The following ZNF804B variants were observed in gnomAD, a reference collection of about 807,000 sequenced individuals.
ZNF804B encodes zinc finger 804B.
Under a neutral mutation model 101.4 loss-of-function variants are expected in ZNF804B, and 80 were observed. That is an observed-to-expected ratio of 0.79 (90% CI 0.66 to 0.95). ZNF804B has a LOEUF of 0.95. Among genes scored for constraint, ZNF804B ranks in the 40% least tolerant of loss-of-function variants. The pLI is 0.00. For missense variants in ZNF804B, 1,673 were observed against 1,561.9 expected (o/e 1.07, Z -1.20); for synonymous variants, 622 against 558.8 (o/e 1.11, Z -1.59).
chr7:89,200,839 G>T (rs1414574232), intron 1 of ZNF804B, among the ~76,000 whole-genome samples: 1 of 151,864 alleles, frequency 6.6e-6, no homozygotes, highest in South Asian at 2.1e-4. Flanking sequence ...GGGAAATCTG[G>T]ATTCTTTTGC....
At chr7:88,925,523 C>T (rs1792784228) in intron 1 of ZNF804B, among the ~76,000 whole-genome samples, 1 of 152,066 alleles carries the variant, frequency 6.6e-6, no homozygotes, top group Admixed American at 6.6e-5. Context: ...GGTGGAAAGA[C>T]CACATGAGGA....
At chr7:89,313,356 A>G (rs558086984) in intron 2 of ZNF804B, among the ~76,000 whole-genome samples, 30 of 152,344 alleles carry the variant, frequency 2.0e-4, no homozygotes, top group Non-Finnish European at 3.7e-4. Context: ...TGAAATGTGC[A>G]GAGATGGAAG....
chr7:89,168,809 T>C (rs1791180659), intron 1 of ZNF804B, among the ~76,000 whole-genome samples: 1 of 151,334 alleles, frequency 6.6e-6, no homozygotes, highest in South Asian at 2.1e-4. Flanking sequence ...TTCTTCAAAG[T>C]ACAGTGAGAA....
intron 1 of ZNF804B, among the ~76,000 whole-genome samples, chr7:88,827,622 T>G (rs915165883): frequency 1.1e-4 from 17 of 152,226 alleles, no homozygotes; most frequent in Middle Eastern, 6.8e-3. Context: ...TACTTTACTA[T>G]CTTACTTCAC....
At chr7:89,106,812 C>T (rs1790143510) in intron 1 of ZNF804B, among the ~76,000 whole-genome samples, 1 of 152,054 alleles carries the variant, frequency 6.6e-6, no homozygotes, top group African/African-American at 2.4e-5. Context: ...GGAGGAAGAA[C>T]TGGAGTGGCA....
intron 1 of ZNF804B, among the ~76,000 whole-genome samples, chr7:88,817,720 T>G (rs1270763136): frequency 6.6e-6 from 1 of 152,220 alleles, no homozygotes; most frequent in Non-Finnish European, 1.5e-5. Flanking sequence ...TGGTACATTT[T>G]GTATCAACAT....
intron 1 of ZNF804B, among the ~76,000 whole-genome samples, chr7:88,851,602 C>T (rs968488756): frequency 6.6e-6 from 1 of 151,912 alleles, no homozygotes; most frequent in Non-Finnish European, 1.5e-5. Flanking sequence ...GTAACACTAG[C>T]AGACCTACAT....
At chr7:89,324,713 T>C (rs2115976481) in intron 2 of ZNF804B, among the ~76,000 whole-genome samples, 1 of 151,394 alleles carries the variant, frequency 6.6e-6, no homozygotes, top group East Asian at 1.9e-4. Context: ...TTTTAATGGC[T>C]GCTGTAGAGT....
chr7:89,106,985 T>C (rs1193233116), intron 1 of ZNF804B, among the ~76,000 whole-genome samples: 2 of 152,084 alleles, frequency 1.3e-5, no homozygotes, highest in Non-Finnish European at 2.9e-5. Flanking sequence ...GAGTTGTAAA[T>C]ACAGTACTGA....
At chr7:89,094,109 A>C (rs1342265248) in intron 1 of ZNF804B, among the ~76,000 whole-genome samples, 1 of 152,236 alleles carries the variant, frequency 6.6e-6, no homozygotes, top group African/African-American at 2.4e-5. Context: ...GGAGGACAGA[A>C]AAATGAAGAT....
intron 1 of ZNF804B, among the ~76,000 whole-genome samples, chr7:88,780,587 A>G (rs550055315): frequency 9.2e-5 from 14 of 151,822 alleles, no homozygotes; most frequent in South Asian, 4.2e-4. Context: ...GGGTTCCACC[A>G]TATTGCCCAC....
intron 2 of ZNF804B, among the ~76,000 whole-genome samples, chr7:89,265,306 GCGCA>G (rs990461128): frequency 6.7e-6 from 1 of 149,250 alleles, no homozygotes; most frequent in Admixed American, 6.7e-5. Flanking sequence ...GCGTGCGCGC[GCGCA>G]CACATGCACG....
intron 1 of ZNF804B, among the ~76,000 whole-genome samples, chr7:89,214,996 C>A (rs979550929): frequency 8.5e-5 from 13 of 152,134 alleles, no homozygotes; most frequent in Non-Finnish European, 1.8e-4. Flanking sequence ...TCAGTTGCCT[C>A]TTTTGAAAAA....
At position 88,911,330 on chromosome 7, in the gene ZNF804B, C is replaced by T. The variant is rs77936675; in HGVS notation, c.108+151246C>T. 1.1e-3 allele frequency among the ~76,000 whole-genome samples: 162 copies of T among 151,292 alleles called. 2 individuals carry two copies. The highest frequency in any genetic ancestry group is 3.8e-3 in the African/African-American group (158 of 41,358). ...TATGAATGTTTCTTACATCTCTTGCCTCTTGAAAGAAATATTTTTGCCTAC... is the reference window on the plus strand; with the variant it reads ...TATGAATGTTTCTTACATCTCTTGCTTCTTGAAAGAAATATTTTTGCCTAC... On this transcript the variant is annotated intron_variant, in intron 1 of 3. Coordinates refer to ENST00000333190, the MANE Select transcript of ZNF804B (RefSeq NM_181646.5).
chr7:89,325,354 A>G (rs1790881840), intron 2 of ZNF804B, among the ~76,000 whole-genome samples: 1 of 152,036 alleles, frequency 6.6e-6, no homozygotes, highest in Non-Finnish European at 1.5e-5. Context: ...CTATTCCTGT[A>G]TATTTCCAAA....
chr7:88,784,170 G>A (rs956782424), intron 1 of ZNF804B, among the ~76,000 whole-genome samples: 14 of 152,096 alleles, frequency 9.2e-5, no homozygotes, highest in Admixed American at 4.6e-4. Context: ...ATACAATGTG[G>A]CTGATCCATA....
chr7:89,067,832 T>TC (rs1266751024), intron 1 of ZNF804B, among the ~76,000 whole-genome samples: 2 of 149,334 alleles, frequency 1.3e-5, no homozygotes, highest in Admixed American at 6.7e-5. Flanking sequence ...TCTTTTCTTT[T>TC]TTTTTTTTTG....
At chr7:89,014,430 C>A (rs964867733) in intron 1 of ZNF804B, among the ~76,000 whole-genome samples, 3 of 152,086 alleles carry the variant, frequency 2.0e-5, no homozygotes, top group African/African-American at 7.2e-5. Flanking sequence ...CATTCTCCTG[C>A]CTCAGCCTCC....
chr7:89,102,983 C>G (rs1377870896), intron 1 of ZNF804B, among the ~76,000 whole-genome samples: 1 of 142,864 alleles, frequency 7.0e-6, no homozygotes, highest in Non-Finnish European at 1.5e-5. Context: ...TATCAAAGAT[C>G]AGTTGGTTAT....
Sources: allele counts gnomAD v4.1 joint callset (sites outside exome capture counted in the v4.1 genomes callset), GRCh38; gene constraint gnomAD v4.1.1; transcripts MANE v1.5; gene names NCBI Gene and HGNC (gene_info 2026-07-23, HGNC 2026-07-21).